The following PCDHGA5 variants were observed in gnomAD, a reference collection of about 807,000 sequenced individuals.
PCDHGA5 encodes protocadherin gamma subfamily A, 5, also known as protocadherin gamma-A5.
A neutral mutation model predicts 56.7 loss-of-function variants in PCDHGA5; 36 were observed. The ratio of observed to expected loss-of-function variants is 0.64; its 90% CI spans 0.49 to 0.84. The LOEUF is 0.84. Among genes scored for constraint, PCDHGA5 ranks in the 40% least tolerant of loss-of-function variants. The probability of loss-of-function intolerance (pLI) is 0.00; values close to 1 mark genes in which losing one functional copy is unlikely to be tolerated. For synonymous variants in PCDHGA5, 563 were observed against 520.2 expected (o/e 1.08, Z -1.12); for missense variants, 1,305 against 1,201.5 (o/e 1.09, Z -1.27).
At chr5:141,438,418 G>C (rs2097959406) in intron 1 of PCDHGA5, among the ~76,000 whole-genome samples, 1 of 151,534 alleles carries the variant, frequency 6.6e-6, no homozygotes, top group Admixed American at 6.6e-5. Flanking sequence ...ATTTCACACA[G>C]TAGTTTGTAC....
chr5:141,409,862 G>A (rs1359567076), intron 1 of PCDHGA5: 19 of 1,612,352 alleles, frequency 1.2e-5, no homozygotes, highest in Non-Finnish European at 1.5e-5. Flanking sequence ...GTTGGTGGGA[G>A]ACCGCAATGA....
chr5:141,478,326 C>T, intron 1 of PCDHGA5: 1 of 1,613,950 alleles, frequency 6.2e-7, no homozygotes, highest in Admixed American at 1.7e-5. Flanking sequence ...CTGTACCGAA[C>T]ACCAGGGCCC....
intron 1 of PCDHGA5, among the ~76,000 whole-genome samples, chr5:141,465,137 GGGGA>G (rs2099097662): frequency 2.0e-5 from 3 of 151,520 alleles, no homozygotes; most frequent in Non-Finnish European, 4.4e-5. Context: ...AAAAAGTTTA[GGGGA>G]TATATGAAGG....
At position 141,486,813 on chromosome 5, in the gene PCDHGA5, G is replaced by A; in HGVS notation, c.2422-7994G>A. On this transcript the variant is annotated intron_variant, in intron 1 of 3. Transcript: ENST00000518069. The surrounding 1 kb of genome is among the most constrained non-coding windows in gnomAD (Gnocchi z 5.0). ...GATCGGGGCAACCCACCCCTTAGCA[G>A]CACTGTAACAGTTCGTCTATTTGTG... The A allele has an allele frequency of 6.2e-7, 1 of 1,614,212 alleles. No individual in the cohort carries two copies.
chr5:141,380,805 G>A (rs1776753449), intron 1 of PCDHGA5, among the ~76,000 whole-genome samples: 1 of 152,204 alleles, frequency 6.6e-6, no homozygotes, highest in Non-Finnish European at 1.5e-5. Context: ...AAACAAATGT[G>A]AGATGAAACT....
At chr5:141,438,710 G>C (rs568772648) in intron 1 of PCDHGA5, among the ~76,000 whole-genome samples, 2 of 147,308 alleles carry the variant, frequency 1.4e-5, no homozygotes, top group South Asian at 4.3e-4. Context: ...ACCCAGGCTG[G>C]AGTGCAAGTG....
chr5:141,405,433 T>A, intron 1 of PCDHGA5: 1 of 1,471,752 alleles, frequency 6.8e-7, no homozygotes, highest in Non-Finnish European at 9.3e-7. Flanking sequence ...TTTTGTTTTG[T>A]TTTTGAGACA....
chr5:141,439,042 A>C (rs2098084096), intron 1 of PCDHGA5, among the ~76,000 whole-genome samples: 1 of 151,642 alleles, frequency 6.6e-6, no homozygotes, highest in Non-Finnish European at 1.5e-5. Context: ...TCAGTTCATA[A>C]GATTTCCATA....
At chr5:141,503,005 G>A (rs915064303) in intron 2 of PCDHGA5, among the ~76,000 whole-genome samples, 16 of 145,340 alleles carry the variant, frequency 1.1e-4, no homozygotes, top group African/African-American at 2.3e-4. Flanking sequence ...CACCATGCCC[G>A]GTTAATTTTT....
At chr5:141,455,244 T>A (rs977940552) in intron 1 of PCDHGA5, among the ~76,000 whole-genome samples, 4 of 152,142 alleles carry the variant, frequency 2.6e-5, no homozygotes, top group Non-Finnish European at 4.4e-5. Flanking sequence ...TTAAAGGTCA[T>A]AGTACAATCG....
intron 2 of PCDHGA5, among the ~76,000 whole-genome samples, chr5:141,495,912 CTT>C (rs1210428397): frequency 6.6e-6 from 1 of 152,140 alleles, no homozygotes; most frequent in Admixed American, 6.6e-5. Flanking sequence ...CTCTGTATAT[CTT>C]TCTTTGTCTC....
rs2099412065 is a variant in PCDHGA5, at chr5:141,477,502, C to T, written c.2422-17305C>T. On this transcript the variant is annotated intron_variant, in intron 1 of 3. Coordinates refer to ENST00000518069, the MANE Select transcript of PCDHGA5 (RefSeq NM_018918.3). This position sits in a 1 kb window ranked among gnomAD's most constrained non-coding sequence, Gnocchi z 4.9. ...CTCCACAATCTTCTCAATCTTCCTACGACGTTTACATTGAAGAAAACAACC... is the reference window on the plus strand; with the variant it reads ...CTCCACAATCTTCTCAATCTTCCTATGACGTTTACATTGAAGAAAACAACC... 2 of 1,614,144 alleles carry T rather than the reference C, an allele frequency of 1.2e-6. No homozygotes were observed. Among genetic ancestry groups the T allele is most frequent in the Non-Finnish European group, 1.7e-6 (2 of 1,180,018 alleles).
intron 1 of PCDHGA5, chr5:141,404,648 G>A (rs1178706213): frequency 6.2e-7 from 1 of 1,614,030 alleles, no homozygotes; most frequent in Non-Finnish European, 8.5e-7. Context: ...CCTGTACCCT[G>A]CCCTCCCCAC....
At chr5:141,398,437 C>G (rs2093656645) in intron 1 of PCDHGA5, 20 of 1,556,582 alleles carry the variant, frequency 1.3e-5, no homozygotes, top group Non-Finnish European at 1.8e-5. Flanking sequence ...AGCTTGTGCT[C>G]TGGAATTTGA....
At position 141,371,064 on chromosome 5, in the gene PCDHGA5, T is replaced by C. The variant is rs759777636; in HGVS notation, c.2421+4313T>C. On this transcript the variant is annotated intron_variant, in intron 1 of 3. Transcript: ENST00000518069. ...GGATGGGGGCGAGCCCTCCAGAAGC[T>C]GTACCACCCAGATCAGGGTAATTGT... The C allele has an allele frequency of 4.3e-6, 7 of 1,613,944 alleles. No homozygotes were observed. In the South Asian group the frequency reaches 7.7e-5, roughly 18 times the overall value.
intron 1 of PCDHGA5, among the ~76,000 whole-genome samples, chr5:141,386,853 G>C (rs932816835): frequency 2.0e-5 from 3 of 152,230 alleles, no homozygotes; most frequent in African/African-American, 4.8e-5. Context: ...ACTAAACTCA[G>C]TGAGCTATTG....
rs746357528 is a variant in PCDHGA5, at chr5:141,375,442, C to G, written c.2421+8691C>G. 3.1e-6 allele frequency: 5 copies of G among 1,614,034 alleles called. No homozygotes were observed. In the South Asian group the frequency reaches 3.3e-5, roughly 11 times the overall value. On this transcript the variant is annotated intron_variant, in intron 1 of 3. Coordinates refer to ENST00000518069, the MANE Select transcript of PCDHGA5 (RefSeq NM_018918.3). ...CCAACGACAACCCGCCCACCTTCCC[C>G]CATTCATCCTACTCAGTCTATGTCC... is the stretch of plus-strand genomic sequence containing the variant.
At chr5:141,389,195 C>T (rs764168847) in intron 1 of PCDHGA5, 2 of 1,614,052 alleles carry the variant, frequency 1.2e-6, no homozygotes, top group Non-Finnish European at 1.7e-6. Flanking sequence ...CCAGCATCAC[C>T]CTGCACATTG....
chr5:141,396,025 T>G (rs1486088514), intron 1 of PCDHGA5: 4 of 152,248 alleles, frequency 2.6e-5, no homozygotes, highest in African/African-American at 2.4e-5. Context: ...TTGTAAAATA[T>G]GTAAGAACAT....
Sources: gnomAD v4.1 joint callset for allele counts (sites outside exome capture counted in the v4.1 genomes callset) on GRCh38, gnomAD v4.1.1 for gene constraint, Gnocchi (gnomAD v3.1) non-coding constraint, MANE v1.5 for transcripts, NCBI Gene and HGNC (gene_info 2026-07-23, HGNC 2026-07-21) for gene names.